XIRP2: variants seen among roughly 807,000 people sequenced by gnomAD.
XIRP2 encodes the protein xin actin-binding repeat-containing protein 2.
XIRP2 carries 236 observed loss-of-function variants against 277.0 expected under a neutral mutation model. That is an observed-to-expected ratio of 0.85 (90% CI 0.77 to 0.95). The LOEUF is 0.95. XIRP2 is among the 40% of genes least tolerant of loss of function. The probability of loss-of-function intolerance (pLI) is 0.00; values close to 1 mark genes in which losing one functional copy is unlikely to be tolerated. For missense variants in XIRP2, 4,640 were observed against 4,157.5 expected (o/e 1.12, Z -3.19); for synonymous variants, 1,490 against 1,416.5 (o/e 1.05, Z -1.17).
chr2:167,154,106 T>C (rs1187165437), intron 3 of XIRP2, among the ~76,000 whole-genome samples: 3 of 149,618 alleles, frequency 2.0e-5, no homozygotes, highest in African/African-American at 7.5e-5. Context: ...CCATTCTAAC[T>C]GGTGTGAGAT....
At chr2:167,176,505 A>C (rs946310803) in intron 3 of XIRP2, among the ~76,000 whole-genome samples, 1 of 152,088 alleles carries the variant, frequency 6.6e-6, no homozygotes, top group Admixed American at 6.5e-5. Flanking sequence ...TTAACATCTA[A>C]GCCATCTTTG....
intron 2 of XIRP2, among the ~76,000 whole-genome samples, chr2:166,998,529 C>T (rs553370689): frequency 6.6e-5 from 10 of 152,038 alleles, no homozygotes; most frequent in Admixed American, 2.0e-4. Flanking sequence ...CCCAGCTACT[C>T]GGGAGGCTGA....
At chr2:167,184,796 C>G (rs1693111409) in intron 3 of XIRP2, among the ~76,000 whole-genome samples, 1 of 152,212 alleles carries the variant, frequency 6.6e-6, no homozygotes, top group Non-Finnish European at 1.5e-5. Flanking sequence ...CATCATCCCA[C>G]TAGAAGAACT....
intron 3 of XIRP2, among the ~76,000 whole-genome samples, chr2:167,201,163 A>G (rs929588999): frequency 4.7e-5 from 7 of 148,936 alleles, no homozygotes; most frequent in African/African-American, 1.7e-4. Context: ...GGAAAGAGAG[A>G]GAGAGAGAGA....
chr2:167,121,350 C>G (rs949796244), intron 2 of XIRP2, among the ~76,000 whole-genome samples: 8 of 151,970 alleles, frequency 5.3e-5, no homozygotes, highest in Non-Finnish European at 8.8e-5. Context: ...ATTCATGCCA[C>G]TCTAGAGGAT....
chr2:167,147,711 A>G (rs1691899376), intron 3 of XIRP2, among the ~76,000 whole-genome samples: 2 of 152,094 alleles, frequency 1.3e-5, no homozygotes, highest in African/African-American at 4.8e-5. Flanking sequence ...TTTCTCTCAG[A>G]CTCTGCCCTA....
chr2:166,894,219 C>T (rs920746880), intron 1 of XIRP2, among the ~76,000 whole-genome samples: 3 of 152,116 alleles, frequency 2.0e-5, no homozygotes, highest in Non-Finnish European at 4.4e-5. Context: ...TTTGTAAACA[C>T]GCAGTCTTTA....
In XIRP2 at chr2:166,951,935, G is replaced by C. The variant is rs572850545; in HGVS notation, c.408+48045G>C. On this transcript the variant is annotated intron_variant, in intron 2 of 10. Coordinates refer to ENST00000409195, the MANE Select transcript of XIRP2 (RefSeq NM_152381.6). Reference sequence around the variant, plus strand: ...CCTATGAGAGGCAGGATGTAATCGTGCTTCGAACTTTTATGCTCTACCACT... The same window carrying C: ...CCTATGAGAGGCAGGATGTAATCGTCCTTCGAACTTTTATGCTCTACCACT... Among the ~76,000 whole-genome samples, 9 of 152,132 alleles carry C rather than the reference G, an allele frequency of 5.9e-5. 1 individual carries two copies. The South Asian group carries it at 1.7e-3, about 28-fold the overall frequency.
At chr2:167,218,811 T>G (rs1366775787) in intron 5 of XIRP2, among the ~76,000 whole-genome samples, 2 of 152,156 alleles carry the variant, frequency 1.3e-5, no homozygotes, top group Admixed American at 1.3e-4. Context: ...AAATGTTATC[T>G]TATATAAATT....
chr2:167,236,176 G>C (rs1338607413), intron 5 of XIRP2, among the ~76,000 whole-genome samples: 1 of 151,714 alleles, frequency 6.6e-6, no homozygotes, highest in African/African-American at 2.4e-5. Context: ...TATTCTGCCA[G>C]TCTTTCCCCA....
At chr2:166,904,070 T>A (rs1257766800) in intron 2 of XIRP2, among the ~76,000 whole-genome samples, 180 bp downstream of exon 2, 1 of 152,128 alleles carries the variant, frequency 6.6e-6, no homozygotes, top group Non-Finnish European at 1.5e-5. Flanking sequence ...AAGGTCTGCT[T>A]CAATGTGGAC....
intron 2 of XIRP2, among the ~76,000 whole-genome samples, chr2:167,049,190 T>A (rs1394563606): frequency 6.6e-6 from 1 of 151,926 alleles, no homozygotes; most frequent in African/African-American, 2.4e-5. Context: ...AAAGCCTTTT[T>A]TTTTTTTAAT....
intron 2 of XIRP2, among the ~76,000 whole-genome samples, chr2:166,978,622 G>A (rs1281702630): frequency 6.6e-6 from 1 of 152,008 alleles, no homozygotes; most frequent in East Asian, 1.9e-4. Flanking sequence ...ATTCTTTTGG[G>A]ATATTTTTGT....
intron 3 of XIRP2, among the ~76,000 whole-genome samples, chr2:167,142,271 C>T (rs578189536): frequency 1.3e-5 from 2 of 152,076 alleles, no homozygotes; most frequent in African/African-American, 2.4e-5. Flanking sequence ...AGGTACAGGC[C>T]GGGCACAATG....
At chr2:167,197,172 A>T (rs981516951) in intron 3 of XIRP2, among the ~76,000 whole-genome samples, 1 of 152,208 alleles carries the variant, frequency 6.6e-6, no homozygotes, top group Non-Finnish European at 1.5e-5. Context: ...GGAGAGTCAC[A>T]GGTTTACATG....
intron 2 of XIRP2, among the ~76,000 whole-genome samples, chr2:166,910,868 A>G (rs145719894): frequency 9.7e-4 from 148 of 152,208 alleles, no homozygotes; most frequent in East Asian, 8.1e-3. Flanking sequence ...ATTTCGTTAT[A>G]TACCCAGTAG....
chr2:167,044,940 T>TAAAG (rs1207063605), intron 2 of XIRP2, among the ~76,000 whole-genome samples: 1 of 150,008 alleles, frequency 6.7e-6, no homozygotes, highest in Non-Finnish European at 1.5e-5. Flanking sequence ...CTCAAATGCC[T>TAAAG]AAAGAAATTC....
chr2:167,115,824 G>A (rs965833956), intron 2 of XIRP2, among the ~76,000 whole-genome samples: 3 of 152,034 alleles, frequency 2.0e-5, no homozygotes, highest in African/African-American at 7.2e-5. Flanking sequence ...AGAACTACTG[G>A]GTTGGAAGCT....
chr2:167,145,308 T>A (rs567625744), intron 3 of XIRP2, among the ~76,000 whole-genome samples: 1 of 152,130 alleles, frequency 6.6e-6, no homozygotes, highest in East Asian at 1.9e-4. Flanking sequence ...AGTCCAAAAA[T>A]TTTCCCCACC....
Sources: allele counts gnomAD v4.1 joint callset (sites outside exome capture counted in the v4.1 genomes callset), GRCh38; gene constraint gnomAD v4.1.1; transcripts MANE v1.5; gene names NCBI Gene and HGNC (gene_info 2026-07-23, HGNC 2026-07-21).